The following NALCN variants were observed in gnomAD, a reference collection of about 807,000 sequenced individuals.
The protein encoded by NALCN is sodium leak channel NALCN.
Under a neutral mutation model 225.3 loss-of-function variants are expected in NALCN, and 111 were observed. The ratio of observed to expected loss-of-function variants is 0.49; its 90% CI spans 0.42 to 0.58. NALCN has a LOEUF of 0.58. NALCN is among the 20% of genes least tolerant of loss of function. The pLI is 0.00. For missense variants in NALCN, 1,378 were observed against 2,202.4 expected (o/e 0.63, Z 7.49); for synonymous variants, 764 against 769.0 (o/e 0.99, Z 0.11).
intron 11 of NALCN, 149 bp from the exon 12 acceptor site, chr13:101,238,071 T>G: frequency 1.6e-6 from 1 of 616,150 alleles, no homozygotes; most frequent in Non-Finnish European, 2.7e-6. Flanking sequence ...ACTTTAAGAA[T>G]GCATTTGAAA....
intron 15 of NALCN, among the ~76,000 whole-genome samples, chr13:101,167,836 C>CAA (rs1202439851): frequency 0.023 from 2,817 of 120,160 alleles, 59 homozygotes; most frequent in Middle Eastern, 0.061. Flanking sequence ...GAGACTCTGT[C>CAA]AAAAAAAAAC....
chr13:101,160,102 A>G (rs34454704), intron 15 of NALCN, among the ~76,000 whole-genome samples: 9 of 151,392 alleles, frequency 5.9e-5, no homozygotes, highest in Middle Eastern at 3.4e-3. Context: ...CTACAGGTAC[A>G]CACCACCATG....
intron 10 of NALCN, among the ~76,000 whole-genome samples, chr13:101,280,703 C>G (rs1263125683): frequency 6.6e-6 from 1 of 152,026 alleles, no homozygotes. Flanking sequence ...GGGCTAGGAG[C>G]CATAAGACCC....
intron 2 of NALCN, among the ~76,000 whole-genome samples, chr13:101,398,697 A>G (rs1370384802): frequency 6.6e-6 from 1 of 152,166 alleles, no homozygotes; most frequent in African/African-American, 2.4e-5. Context: ...AGGTTCATTC[A>G]GAACAGGTTG....
At position 101,292,009 on chromosome 13, in the gene NALCN, G is replaced by T. The variant is rs1365066023; in HGVS notation, c.1028C>A (p.Thr343Asn). The stretch of plus-strand genomic sequence containing the variant: ...GCGTACCTGGGTGGTGGCTGTTGAG[G>T]TAGTGCTGCTTCTCGATCCCCACAT... ...QQMWGSRSST[T>N]STATTQMFHE... Residue 343 changes from threonine (T) to asparagine (N), a missense_variant, in exon 9 of 44, where the codon ACC becomes AAC. By Grantham distance (65) the Thr-to-Asn change is moderately conservative. This residue lies in a region of NALCN where 144 missense variants were observed against 187.7 expected (regional missense o/e 0.77). Transcript: ENST00000251127. The surrounding 1 kb of genome is among the most constrained non-coding windows in gnomAD (Gnocchi z 4.3). The T allele has an allele frequency of 1.2e-6, 2 of 1,613,954 alleles. No individual in the cohort carries two copies. The highest frequency in any genetic ancestry group is 1.7e-6 in the Non-Finnish European group (2 of 1,180,024).
At chr13:101,375,665 T>C (rs2046668553) in intron 6 of NALCN, among the ~76,000 whole-genome samples, 1 of 152,218 alleles carries the variant, frequency 6.6e-6, no homozygotes, top group Non-Finnish European at 1.5e-5. Flanking sequence ...ATTTCTAAGA[T>C]TTGAATCAAG....
At chr13:101,229,993 C>A (rs2041283893) in intron 12 of NALCN, among the ~76,000 whole-genome samples, 1 of 152,148 alleles carries the variant, frequency 6.6e-6, no homozygotes, top group Admixed American at 6.6e-5. Context: ...CTACACCTGA[C>A]ACCTTTGCTT....
chr13:101,323,559 C>T (rs891862889), intron 7 of NALCN, among the ~76,000 whole-genome samples: 1 of 152,116 alleles, frequency 6.6e-6, no homozygotes, highest in African/African-American at 2.4e-5. Context: ...TATTATTTTA[C>T]AGTCAATAAC....
At chr13:101,365,522 T>A (rs114779898) in intron 6 of NALCN, among the ~76,000 whole-genome samples, 2 of 152,168 alleles carry the variant, frequency 1.3e-5, no homozygotes, top group Non-Finnish European at 2.9e-5. Context: ...TAAATTTTAA[T>A]GTATTTATTT....
At chr13:101,355,069 ATC>A (rs199725468) in intron 6 of NALCN, among the ~76,000 whole-genome samples, 1 of 150,916 alleles carries the variant, frequency 6.6e-6, no homozygotes, top group Non-Finnish European at 1.5e-5. Flanking sequence ...CCCCTCCACT[ATC>A]TCTCTCTCGT....
intron 4 of NALCN, among the ~76,000 whole-genome samples, chr13:101,377,561 T>G (rs1472385103): frequency 6.6e-6 from 1 of 152,030 alleles, no homozygotes; most frequent in African/African-American, 2.4e-5. Flanking sequence ...CAAAGCTGAT[T>G]AAAAAAATAT....
chr13:101,284,492 T>C (rs2043273266), intron 9 of NALCN, among the ~76,000 whole-genome samples: 1 of 152,136 alleles, frequency 6.6e-6, no homozygotes, highest in Non-Finnish European at 1.5e-5. Flanking sequence ...CCCTCAAGGC[T>C]GAACAGGAGC....
intron 15 of NALCN, among the ~76,000 whole-genome samples, chr13:101,170,817 T>G (rs1274477551): frequency 6.6e-6 from 1 of 152,192 alleles, no homozygotes; most frequent in African/African-American, 2.4e-5. Context: ...CTACCTATAC[T>G]TCCCTTTTCG....
chr13:101,335,910 AT>A, intron 7 of NALCN, among the ~76,000 whole-genome samples: 1 of 152,242 alleles, frequency 6.6e-6, no homozygotes, highest in East Asian at 1.9e-4. Context: ...CTTTAATATC[AT>A]TTAACTCTGA....
At chr13:101,128,181 G>A (rs948405610) in intron 17 of NALCN, among the ~76,000 whole-genome samples, 67 of 152,192 alleles carry the variant, frequency 4.4e-4, no homozygotes, top group African/African-American at 1.5e-3. Flanking sequence ...AAGATTCGTT[G>A]AAGAAGATTT....
At chr13:101,305,879 A>G (rs2044137745) in intron 7 of NALCN, among the ~76,000 whole-genome samples, 1 of 152,246 alleles carries the variant, frequency 6.6e-6, no homozygotes, top group African/African-American at 2.4e-5. Flanking sequence ...GATGAAACAC[A>G]GGTATGTTAA....
chr13:101,386,035 T>A (rs776406101), intron 3 of NALCN, among the ~76,000 whole-genome samples: 2 of 152,194 alleles, frequency 1.3e-5, no homozygotes, highest in Admixed American at 6.5e-5. Context: ...CTTTAATGTA[T>A]TTTTTAAATT....
chr13:101,198,747 T>A (rs1355468561), intron 13 of NALCN, among the ~76,000 whole-genome samples: 1 of 152,150 alleles, frequency 6.6e-6, no homozygotes, highest in Non-Finnish European at 1.5e-5. Flanking sequence ...TCCTCAGGGA[T>A]CTAGAACTAG....
At chr13:101,305,583 A>T (rs75000751) in intron 7 of NALCN, among the ~76,000 whole-genome samples, 1 of 152,192 alleles carries the variant, frequency 6.6e-6, no homozygotes, top group African/African-American at 2.4e-5. Context: ...GCTAATATTC[A>T]AGGTTTTAAT....
Sources: allele counts gnomAD v4.1 joint callset (sites outside exome capture counted in the v4.1 genomes callset), GRCh38; gene constraint gnomAD v4.1.1; regional missense constraint gnomAD v4.1.1; non-coding constraint Gnocchi (gnomAD v3.1); transcripts MANE v1.5; gene names NCBI Gene and HGNC (gene_info 2026-07-23, HGNC 2026-07-21).